The following CNTN5 variants were observed in gnomAD, a reference collection of about 807,000 sequenced individuals.
CNTN5 encodes contactin 5.
CNTN5 carries 77 observed loss-of-function variants against 129.1 expected under a neutral mutation model. That is an observed-to-expected ratio of 0.60 (90% confidence interval 0.50 to 0.72). The LOEUF (loss-of-function observed/expected upper bound fraction) is 0.72, where lower values mean the gene tolerates loss of function less well. Ranked by LOEUF, CNTN5 falls within the 30% of genes least tolerant of loss-of-function variation. The pLI, the probability that CNTN5 is intolerant of heterozygous loss-of-function variation, is 0.00. For synonymous variants in CNTN5, 509 were observed against 465.6 expected (o/e 1.09, Z -1.20); for missense variants, 1,478 against 1,328.8 (o/e 1.11, Z -1.75).
chr11:100,101,576 T>G (rs922273250), intron 13 of CNTN5, among the ~76,000 whole-genome samples: 7 of 152,090 alleles, frequency 4.6e-5, no homozygotes, highest in Non-Finnish European at 1.0e-4. Flanking sequence ...AATGTATTCT[T>G]TTTTTAATTT....
intron 3 of CNTN5, among the ~76,000 whole-genome samples, chr11:99,790,941 C>T (rs2135433923): frequency 6.6e-6 from 1 of 152,122 alleles, no homozygotes; most frequent in South Asian, 2.1e-4. Flanking sequence ...TCCTTTTTGG[C>T]CACATATATG....
At chr11:99,075,396 G>A (rs1865519150) in intron 1 of CNTN5, among the ~76,000 whole-genome samples, 1 of 152,036 alleles carries the variant, frequency 6.6e-6, no homozygotes, top group Non-Finnish European at 1.5e-5. Context: ...AATACAAATC[G>A]TGTAAATACT....
chr11:99,710,925 G>A (rs749568515), intron 3 of CNTN5, among the ~76,000 whole-genome samples: 7 of 151,810 alleles, frequency 4.6e-5, no homozygotes, highest in Non-Finnish European at 7.4e-5. Flanking sequence ...GAGTTGCTAC[G>A]CAAAATGCAG....
intron 1 of CNTN5, among the ~76,000 whole-genome samples, chr11:99,058,454 A>T (rs1864727166): frequency 6.6e-6 from 1 of 152,024 alleles, no homozygotes; most frequent in Admixed American, 6.6e-5. Flanking sequence ...ACATTTATAT[A>T]TATGTGTATA....
intron 1 of CNTN5, among the ~76,000 whole-genome samples, chr11:99,167,040 G>C (rs1401640304): frequency 1.3e-5 from 2 of 151,998 alleles, no homozygotes; most frequent in East Asian, 3.8e-4. Context: ...TACTTTTTCT[G>C]TATTAATTAA....
intron 2 of CNTN5, among the ~76,000 whole-genome samples, chr11:99,442,377 C>A (rs1943870314): frequency 6.6e-6 from 1 of 152,086 alleles, no homozygotes; most frequent in Non-Finnish European, 1.5e-5. Flanking sequence ...ACCACATTGG[C>A]CAGGCTGGTC....
At chr11:100,058,831 C>A (rs983156049) in intron 9 of CNTN5, among the ~76,000 whole-genome samples, 4 of 152,090 alleles carry the variant, frequency 2.6e-5, no homozygotes, top group African/African-American at 9.7e-5. Context: ...GTAAGATACA[C>A]AAAGCATTTT....
chr11:99,337,545 T>A (rs528630451), intron 2 of CNTN5, among the ~76,000 whole-genome samples: 1 of 152,224 alleles, frequency 6.6e-6, no homozygotes, highest in Non-Finnish European at 1.5e-5. Flanking sequence ...GGCTTAAGAA[T>A]GACTTTAGGT....
chr11:99,748,360 T>C (rs2135200858), intron 3 of CNTN5, among the ~76,000 whole-genome samples: 1 of 152,146 alleles, frequency 6.6e-6, no homozygotes, highest in African/African-American at 2.4e-5. Flanking sequence ...TGTTGGGAAG[T>C]TTAAGACTAC....
intron 13 of CNTN5, among the ~76,000 whole-genome samples, chr11:100,131,298 A>G (rs1159839379): frequency 6.6e-6 from 1 of 152,032 alleles, no homozygotes; most frequent in Non-Finnish European, 1.5e-5. Context: ...GAAGGATTTC[A>G]GGTATTTTGG....
chr11:99,575,413 T>C (rs1949312912), intron 3 of CNTN5, among the ~76,000 whole-genome samples: 1 of 152,144 alleles, frequency 6.6e-6, no homozygotes, highest in African/African-American at 2.4e-5. Flanking sequence ...CTTGTGGTCA[T>C]TGGAGTGTCT....
intron 2 of CNTN5, among the ~76,000 whole-genome samples, chr11:99,469,566 C>T (rs1591114997): frequency 6.6e-6 from 1 of 151,880 alleles, no homozygotes; most frequent in East Asian, 1.9e-4. Flanking sequence ...TTCCCATTCC[C>T]CACAAAGTAG....
chr11:100,030,925 A>G (rs1484854345), intron 9 of CNTN5, among the ~76,000 whole-genome samples: 2 of 152,018 alleles, frequency 1.3e-5, no homozygotes, highest in Admixed American at 1.3e-4. Flanking sequence ...CCCAAATACA[A>G]TTTTTTCGTG....
intron 3 of CNTN5, among the ~76,000 whole-genome samples, chr11:99,741,420 G>C (rs745927102): frequency 6.6e-6 from 1 of 151,986 alleles, no homozygotes; most frequent in East Asian, 1.9e-4. Flanking sequence ...GTGCCTTAAG[G>C]TAAGATAGGC....
intron 2 of CNTN5, among the ~76,000 whole-genome samples, chr11:99,401,881 G>A (rs1314178775): frequency 6.6e-6 from 1 of 151,780 alleles, no homozygotes; most frequent in Non-Finnish European, 1.5e-5. Context: ...TTTACTGTTA[G>A]CATATAGAAA....
chr11:99,474,456 AATT>A (rs1945292069), intron 2 of CNTN5, among the ~76,000 whole-genome samples: 2 of 152,082 alleles, frequency 1.3e-5, no homozygotes, highest in Non-Finnish European at 1.5e-5. Context: ...TTATACCATT[AATT>A]ATTATTACCA....
chr11:99,171,918 G>A (rs1008858257), intron 1 of CNTN5, among the ~76,000 whole-genome samples: 10 of 152,090 alleles, frequency 6.6e-5, no homozygotes, highest in African/African-American at 2.2e-4. Context: ...CAGGAGCAAC[G>A]GAAAGTTACT....
intron 8 of CNTN5, among the ~76,000 whole-genome samples, chr11:99,983,407 A>T (rs983472368): frequency 6.6e-6 from 1 of 151,412 alleles, no homozygotes. Context: ...CTGACAAGAG[A>T]AGTAAAATCC....
chr11:99,613,203 T>G (rs1272169131), intron 3 of CNTN5, among the ~76,000 whole-genome samples: 11 of 152,192 alleles, frequency 7.2e-5, no homozygotes, highest in African/African-American at 2.7e-4. Flanking sequence ...TGCCCACGTG[T>G]CAAGAAAGAG....
Sources: gnomAD v4.1 joint callset for allele counts (sites outside exome capture counted in the v4.1 genomes callset) on GRCh38, gnomAD v4.1.1 for gene constraint, MANE v1.5 for transcripts, NCBI Gene and HGNC (gene_info 2026-07-23, HGNC 2026-07-21) for gene names.